Variants in PHYKPL observed in about 807,000 individuals in gnomAD.
The protein encoded by PHYKPL is 5-phosphonooxy-L-lysine phospho-lyase.
A neutral mutation model predicts 51.3 loss-of-function variants in PHYKPL; 42 were observed. The observed-to-expected ratio is 0.82, with a 90% confidence interval of 0.64 to 1.06. The LOEUF (loss-of-function observed/expected upper bound fraction) is 1.06. Among genes scored for constraint, PHYKPL ranks in the 50% least tolerant of loss-of-function variants. PHYKPL has a pLI of 0.00. For synonymous variants in PHYKPL, 264 were observed against 236.0 expected, an observed-to-expected ratio of 1.12 and a Z score of -1.09; for missense variants, 655 against 586.6, an observed-to-expected ratio of 1.12 and a Z score of -1.20.
intron 8 of PHYKPL, chr5:178,216,364 G>A (rs1268499223): frequency 6.6e-6 from 1 of 152,192 alleles, no homozygotes; most frequent in Non-Finnish European, 1.5e-5. Context: ...GCAGAATGAG[G>A]AAGTAAAGTC....
chr5:178,224,281 C>T lies in PHYKPL; in HGVS notation c.618+167G>A, dbSNP rs567983062. 19 of 738,294 alleles carry T rather than the reference C, an allele frequency of 2.6e-5. 1 individual carries two copies. Among genetic ancestry groups the T allele is most frequent in the Middle Eastern group, 6.3e-4 (2 of 3,198 alleles). 45.7% of individuals were successfully genotyped at this position (738,294 alleles called of 1,614,324 possible). A position where few individuals can be genotyped will look rare whatever the true frequency, so the allele number is the denominator to read the frequency against. On this transcript the variant is annotated intron_variant, in intron 6 of 12. Coordinates refer to ENST00000308158, the MANE Select transcript of PHYKPL (RefSeq NM_153373.4). ...GCTGGCTACCACGCCCATGCTAGGC[C>T]GTGCACTCAGACTCTCTGCTGAGCC...
At chr5:178,229,827 G>A in intron 3 of PHYKPL, 113 bp downstream of exon 3, 2 of 1,365,334 alleles carry the variant, frequency 1.5e-6, no homozygotes, top group Non-Finnish European at 1.0e-6. Flanking sequence ...GGTGCAGTGG[G>A]GGCTGCCTCT....
chr5:178,210,716 T>C (rs1156498589), intron 12 of PHYKPL: 10 of 940,660 alleles, frequency 1.1e-5, no homozygotes, highest in Non-Finnish European at 1.6e-5. Flanking sequence ...TGGCAAACTT[T>C]CTATTGCCTG....
Position 178,231,526 on chromosome 5 carries a change from G to C in PHYKPL, c.60-3C>G. The C allele has an allele frequency of 2.5e-6, 4 of 1,614,184 alleles. No homozygotes were observed. The highest frequency in any genetic ancestry group is 3.4e-6 in the Non-Finnish European group (4 of 1,180,012). On this transcript the variant is annotated splice_region_variant and splice_polypyrimidine_tract_variant and intron_variant, in intron 1 of 12. Coordinates refer to ENST00000308158, the MANE Select transcript of PHYKPL (RefSeq NM_153373.4). Reference sequence around the variant, plus strand: ...GAAAAAAGAGTCTGCAGGAAGAGCTGTGGGGACAGGCAAGGAGTGGACAGC... The same window carrying C: ...GAAAAAAGAGTCTGCAGGAAGAGCTCTGGGGACAGGCAAGGAGTGGACAGC...
At chr5:178,231,302 A>T in intron 2 of PHYKPL, 103 bp downstream of exon 2, 1 of 1,575,996 alleles carries the variant, frequency 6.3e-7, no homozygotes, top group Non-Finnish European at 8.7e-7. Flanking sequence ...CCTCAACTCC[A>T]CCCAGGTTCT....
chr5:178,209,202 C>T (rs1329976383), intron 12 of PHYKPL: 2 of 789,532 alleles, frequency 2.5e-6, no homozygotes, highest in Non-Finnish European at 4.4e-6. Context: ...GCCTCCCATA[C>T]TAGCATATTT....
intron 12 of PHYKPL, chr5:178,211,612 A>C (rs1284077229): frequency 5.5e-6 from 2 of 364,990 alleles, no homozygotes; most frequent in Non-Finnish European, 1.0e-5. Context: ...TCTGGTATTT[A>C]GGGCATAAGA....
At chr5:178,214,243 GAGA>G (rs1030514198) in intron 10 of PHYKPL, among the ~76,000 whole-genome samples, 51 of 152,286 alleles carry the variant, frequency 3.3e-4, no homozygotes, top group Middle Eastern at 3.4e-3. Context: ...CAACTAGAAG[GAGA>G]AGAAGTCCTG....
intron 3 of PHYKPL, among the ~76,000 whole-genome samples, chr5:178,227,694 G>T (rs1462396874): frequency 1.3e-5 from 2 of 152,194 alleles, no homozygotes; most frequent in African/African-American, 2.4e-5. Context: ...TGAAGCCACT[G>T]AAGAGTTTTA....
chr5:178,213,978 C>A (rs907166837), intron 10 of PHYKPL, among the ~76,000 whole-genome samples: 1 of 152,200 alleles, frequency 6.6e-6, no homozygotes, highest in Non-Finnish European at 1.5e-5. Flanking sequence ...GATCTGTTTC[C>A]TTCCATGCCA....
At chr5:178,209,324 T>C in intron 12 of PHYKPL, 1 of 1,613,508 alleles carries the variant, frequency 6.2e-7, no homozygotes, top group South Asian at 1.1e-5. Flanking sequence ...TCCTCTTGAC[T>C]TTTAGTGTGA....
Position 178,220,665 on chromosome 5 carries a change from C to G in PHYKPL, c.927+1690G>C, listed in dbSNP as rs546007680. Among the ~76,000 whole-genome samples the G allele has an allele frequency of 5.0e-4, 75 of 151,166 alleles. No homozygotes were observed. In the South Asian group the frequency reaches 0.015, roughly 31 times the overall value. On this transcript the variant is annotated intron_variant, in intron 8 of 12. Coordinates refer to ENST00000308158, the MANE Select transcript of PHYKPL (RefSeq NM_153373.4). ...GGTACAGTCCTAAGAAAAACTCTTG[C>G]TACATGTACAACAGAGACTTATGAA...
chr5:178,210,980 AC>A (rs1332341020), intron 12 of PHYKPL: 6 of 252,242 alleles, frequency 2.4e-5, no homozygotes, highest in Non-Finnish European at 3.8e-5. Context: ...CCTTTTTTTC[AC>A]CTTTTAATTT....
In PHYKPL at chr5:178,213,109, A is replaced by AG. The variant is rs1358021701; in HGVS notation, c.1173-7dup. 2 of 1,613,736 alleles carry AG rather than the reference A, an allele frequency of 1.2e-6. No homozygotes were observed. Among genetic ancestry groups the AG allele is most frequent in the Admixed American group, 3.3e-5 (2 of 60,012 alleles). ...AAACGTAGTTCTCCTTCAGCCTGTG[A>AG]GGACAGGACACCCCTTCACATGGCC... On this transcript the variant is annotated splice_polypyrimidine_tract_variant and splice_region_variant and intron_variant, in intron 10 of 12. Coordinates refer to ENST00000308158, the MANE Select transcript of PHYKPL (RefSeq NM_153373.4).
At chr5:178,216,635 T>C (rs1759850570) in intron 8 of PHYKPL, 1 of 152,248 alleles carries the variant, frequency 6.6e-6, no homozygotes, top group African/African-American at 2.4e-5. Flanking sequence ...TTCTGAAACA[T>C]GCAAAGAAGC....
rs754532452 is a variant in PHYKPL at position 178,225,342 on chromosome 5, G to C, written c.413+13C>G. ...AGGCTTCTGGGAACGGTAGGGCTGT[G>C]AGTTGCACTTACTGATCTAATACCA... On this transcript the variant is annotated intron_variant, in intron 4 of 12. Transcript: ENST00000308158. 1.2e-6 allele frequency: 2 copies of C among 1,614,118 alleles called. No individual in the cohort carries two copies. The highest frequency in any genetic ancestry group is 1.7e-5 in the Admixed American group (1 of 60,024).
At chr5:178,215,813 T>A (rs1759660216) in intron 8 of PHYKPL, 1 of 182,636 alleles carries the variant, frequency 5.5e-6, no homozygotes, top group African/African-American at 2.4e-5. Context: ...CCAGGGAGAG[T>A]GAGCGCAGCA....
At chr5:178,231,636 G>A (rs772183539) in intron 1 of PHYKPL, 113 bp from the exon 2 acceptor site, 5 of 1,605,230 alleles carry the variant, frequency 3.1e-6, no homozygotes, top group Non-Finnish European at 4.3e-6. Flanking sequence ...GGGGGGAAAT[G>A]AGAGCTGGAA....
At chr5:178,211,662 C>T (rs938953257) in intron 12 of PHYKPL, 28 of 495,594 alleles carry the variant, frequency 5.6e-5, no homozygotes, top group Admixed American at 2.8e-4. Context: ...TGGGGTTCCA[C>T]GTGGATACAG....
Sources: gnomAD v4.1 joint callset for allele counts (sites outside exome capture counted in the v4.1 genomes callset) on GRCh38, gnomAD v4.1.1 for gene constraint, MANE v1.5 for transcripts, NCBI Gene and HGNC (gene_info 2026-07-23, HGNC 2026-07-21) for gene names.